The following SDR42E2 variants were observed in gnomAD, a reference collection of about 807,000 sequenced individuals.
SDR42E2 encodes the protein short chain dehydrogenase/reductase family 42E, member 2.
SDR42E2 carries 20 observed loss-of-function variants against 10.5 expected under a neutral mutation model. That is an observed-to-expected ratio of 1.90 (90% CI 1.34 to 2.77). The LOEUF (loss-of-function observed/expected upper bound fraction) is 2.77, where lower values mean the gene tolerates loss of function less well. Among genes scored for constraint, SDR42E2 ranks in the 30% most tolerant of loss-of-function variants. The probability of loss-of-function intolerance (pLI) is 0.00; values close to 1 mark genes in which losing one functional copy is unlikely to be tolerated. For missense variants in SDR42E2, 162 were observed against 104.2 expected, an observed-to-expected ratio of 1.55 and a Z score of -2.42; for synonymous variants, 72 against 39.2, an observed-to-expected ratio of 1.84 and a Z score of -3.12.
intron 11 of SDR42E2, among the ~76,000 whole-genome samples, chr16:22,186,408 T>C (rs1313598051): frequency 6.6e-6 from 1 of 152,110 alleles, no homozygotes; most frequent in Non-Finnish European, 1.5e-5. Context: ...GGTTTCACCA[T>C]GTTGACCAGC....
Position 22,182,292 on chromosome 16 carries a change from G to T in SDR42E2, c.876+15G>T. On this transcript the variant is annotated intron_variant, in intron 10 of 12. Transcript: ENST00000602312. ...TGGCCCCACTGGTAGGTGCACAGAT[G>T]CCCACCCACCCCGAATGATCATTCT... is the stretch of plus-strand genomic sequence containing the variant. 5.0e-6 allele frequency: 2 copies of T among 401,066 alleles called. No individual in the cohort carries two copies. Among genetic ancestry groups the T allele is most frequent in the Non-Finnish European group, 8.8e-6 (2 of 226,322 alleles). The allele number at this position is 401,066 out of a possible 1,614,324, so 24.8% of individuals were successfully genotyped here.
At position 22,190,485 on chromosome 16, in the gene SDR42E2, T is replaced by G; in HGVS notation, c.*92T>G. 2.5e-6 allele frequency: 1 copy of G among 399,886 alleles called. No individual in the cohort carries two copies. Among genetic ancestry groups the G allele is most frequent in the East Asian group, 3.6e-5 (1 of 28,044 alleles). 24.8% of individuals were successfully genotyped at this position (399,886 alleles called of 1,614,324 possible). A position where few individuals can be genotyped will look rare whatever the true frequency, so the allele number is the denominator to read the frequency against. On this transcript the variant is annotated 3_prime_UTR_variant, in exon 13 of 13. Coordinates refer to ENST00000602312, the MANE Select transcript of SDR42E2 (RefSeq NM_001394319.2). The stretch of plus-strand genomic sequence containing the variant: ...GCTTGTACCAGCCCCTGCCCCGCCT[T>G]CTGGGTTTGAGCGCGCCTCCGCTCC...
At chr16:22,165,875 G>A (rs953764236) in intron 2 of SDR42E2, among the ~76,000 whole-genome samples, 1 of 152,130 alleles carries the variant, frequency 6.6e-6, no homozygotes, top group East Asian at 1.9e-4. Context: ...CCTGGGCCAG[G>A]AGCTGGGTCC....
chr16:22,186,022 T>C (rs1260224858), intron 11 of SDR42E2, among the ~76,000 whole-genome samples: 1 of 152,116 alleles, frequency 6.6e-6, no homozygotes, highest in Non-Finnish European at 1.5e-5. Flanking sequence ...ATTACAGGCA[T>C]GAGCCACCAC....
chr16:22,182,131 C>T (rs2046700493), intron 9 of SDR42E2, 81 bp from the exon 10 acceptor site: 1 of 406,762 alleles, frequency 2.5e-6, no homozygotes, highest in African/African-American at 2.0e-5. Context: ...AGGGTTGGAG[C>T]AGCTGCTGGG....
chr16:22,169,376 C>A (rs1363702901), intron 4 of SDR42E2, 69 bp from the exon 5 acceptor site: 1 of 702,088 alleles, frequency 1.4e-6, no homozygotes, highest in Admixed American at 2.0e-5. Flanking sequence ...TGACCCCAAG[C>A]TCAGCCTTCC....
chr16:22,184,330 G>A (rs1420889979), intron 11 of SDR42E2, 86 bp downstream of exon 11: 3 of 391,024 alleles, frequency 7.7e-6, no homozygotes, highest in Non-Finnish European at 1.4e-5. Flanking sequence ...GGCCAGGCAC[G>A]GTGGCTCACG....
At chr16:22,174,732 G>T (rs925928466) in intron 7 of SDR42E2, among the ~76,000 whole-genome samples, 2 of 152,078 alleles carry the variant, frequency 1.3e-5, no homozygotes, top group South Asian at 4.1e-4. Context: ...CTCCAGCCAA[G>T]AATTATTTAT....
At chr16:22,174,500 G>A (rs1443470872) in intron 7 of SDR42E2, among the ~76,000 whole-genome samples, 2 of 152,066 alleles carry the variant, frequency 1.3e-5, no homozygotes, top group African/African-American at 2.4e-5. Flanking sequence ...AGCCCCAGCT[G>A]AGCAGGTCCC....
At chr16:22,163,583 T>A (rs1259527455) in intron 1 of SDR42E2, among the ~76,000 whole-genome samples, 1 of 152,170 alleles carries the variant, frequency 6.6e-6, no homozygotes, top group Non-Finnish European at 1.5e-5. Flanking sequence ...GGCGCGTGCC[T>A]GTAGTCCCAG....
chr16:22,170,320 C>T (rs1372587655), intron 5 of SDR42E2, among the ~76,000 whole-genome samples: 5 of 152,160 alleles, frequency 3.3e-5, no homozygotes, highest in Non-Finnish European at 5.9e-5. Context: ...CGCCATTGCA[C>T]TCCAGCCTGG....
chr16:22,169,626 C>T, intron 5 of SDR42E2, 124 bp downstream of exon 5: 2 of 683,778 alleles, frequency 2.9e-6, no homozygotes, highest in East Asian at 2.7e-5. Flanking sequence ...ATCCTTCGTG[C>T]ACTGCAGACC....
At chr16:22,174,183 A>G (rs1261156819) in intron 7 of SDR42E2, among the ~76,000 whole-genome samples, 1 of 151,862 alleles carries the variant, frequency 6.6e-6, no homozygotes, top group East Asian at 1.9e-4. Context: ...ATACAAAAAA[A>G]TTAGCTGGGC....
intron 8 of SDR42E2, among the ~76,000 whole-genome samples, 168 bp downstream of exon 8, chr16:22,178,380 C>T (rs539976066): frequency 6.6e-6 from 1 of 152,324 alleles, no homozygotes; most frequent in East Asian, 1.9e-4. Flanking sequence ...GGTCCACAGG[C>T]CCCTTGGAGC....
rs548312481 is a variant in SDR42E2 at position 22,167,019 on chromosome 16, C to T, written c.336+20C>T. ...GAGAAGGTGGGCTCCTCACACACAA[C>T]ACCTGGAGTTAGACAGAGTGGGGTT... On this transcript the variant is annotated intron_variant, in intron 4 of 12. Coordinates refer to ENST00000602312, the MANE Select transcript of SDR42E2 (RefSeq NM_001394319.2). 1 of 701,730 alleles carries T rather than the reference C, an allele frequency of 1.4e-6. No homozygotes were observed. Among genetic ancestry groups the T allele is most frequent in the South Asian group, 1.5e-5 (1 of 67,496 alleles). The allele number at this position is 701,730 out of a possible 1,614,324, so 43.5% of individuals were successfully genotyped here.
At chr16:22,189,180 C>G (rs2046754238) in intron 12 of SDR42E2, among the ~76,000 whole-genome samples, 2 of 152,168 alleles carry the variant, frequency 1.3e-5, no homozygotes, top group Non-Finnish European at 2.9e-5. Context: ...TCTCCTCACC[C>G]CCCATTAAGC....
At chr16:22,170,531 C>T (rs181644566) in intron 5 of SDR42E2, among the ~76,000 whole-genome samples, 12 of 152,232 alleles carry the variant, frequency 7.9e-5, no homozygotes, top group Admixed American at 7.9e-4. Flanking sequence ...TGACCTGTCT[C>T]TGGCAAGGTA....
At chr16:22,169,831 G>A (rs544243867) in intron 5 of SDR42E2, among the ~76,000 whole-genome samples, 6 of 151,970 alleles carry the variant, frequency 3.9e-5, no homozygotes, top group South Asian at 2.1e-4. Flanking sequence ...AAGAGTTCGA[G>A]ACCAGCCTGG....
intron 5 of SDR42E2, 89 bp downstream of exon 5, chr16:22,169,591 C>A: frequency 2.9e-6 from 2 of 701,116 alleles, no homozygotes; most frequent in East Asian, 2.7e-5. Context: ...GGTGTAGGGT[C>A]AAAGGGAGGG....
Sources: allele counts gnomAD v4.1 joint callset (sites outside exome capture counted in the v4.1 genomes callset), GRCh38; gene constraint gnomAD v4.1.1; transcripts MANE v1.5; gene names NCBI Gene and HGNC (gene_info 2026-07-23, HGNC 2026-07-21).